The following CTNNA2 variants were observed in gnomAD, a reference collection of about 807,000 sequenced individuals.
CTNNA2 encodes catenin alpha-2.
Under a neutral mutation model 101.0 loss-of-function variants are expected in CTNNA2, and 42 were observed. The observed-to-expected ratio is 0.42, with a 90% CI of 0.32 to 0.54. The LOEUF (loss-of-function observed/expected upper bound fraction) is 0.54, where lower values mean the gene tolerates loss of function less well. Among genes scored for constraint, CTNNA2 ranks in the 20% least tolerant of loss-of-function variants. The probability of loss-of-function intolerance (pLI) is 0.14; values close to 1 mark genes in which losing one functional copy is unlikely to be tolerated. For missense variants in CTNNA2, 871 were observed against 1,223.1 expected, an observed-to-expected ratio of 0.71 and a Z score of 4.29; for synonymous variants, 450 against 456.4, an observed-to-expected ratio of 0.99 and a Z score of 0.18.
intron 9 of CTNNA2, among the ~76,000 whole-genome samples, chr2:80,484,876 G>A (rs556328209): frequency 6.6e-6 from 1 of 151,982 alleles, no homozygotes; most frequent in Non-Finnish European, 1.5e-5. Context: ...CAAGGTGGTG[G>A]GCACCTGTAG....
intron 9 of CTNNA2, among the ~76,000 whole-genome samples, chr2:80,543,523 C>T (rs72622680): frequency 0.068 from 10,357 of 152,152 alleles, 834 homozygotes; most frequent in African/African-American, 0.19. Context: ...CTCTTTCTCC[C>T]TTAAAAACTC....
chr2:79,357,773 T>G (rs1196103720), intron 3 of CTNNA2, among the ~76,000 whole-genome samples: 1 of 152,186 alleles, frequency 6.6e-6, no homozygotes, highest in Non-Finnish European at 1.5e-5. Flanking sequence ...ACAGTAAGGC[T>G]GACAGTTAAT....
At chr2:79,664,244 ATC>A (rs1041505200) in intron 2 of CTNNA2, among the ~76,000 whole-genome samples, 1 of 152,182 alleles carries the variant, frequency 6.6e-6, no homozygotes, top group Admixed American at 6.5e-5. Context: ...TCTATAAATA[ATC>A]TCTATATTTT....
At chr2:79,617,726 TG>T (rs1678717443) in intron 1 of CTNNA2, among the ~76,000 whole-genome samples, 1 of 152,170 alleles carries the variant, frequency 6.6e-6, no homozygotes. Context: ...GGTAAAATCA[TG>T]AGGCTTTTCC....
intron 7 of CTNNA2, among the ~76,000 whole-genome samples, chr2:80,361,923 G>A (rs763861751): frequency 1.3e-5 from 2 of 152,090 alleles, no homozygotes; most frequent in African/African-American, 4.8e-5. Context: ...AAGCCAAATA[G>A]ATGCAACCCA....
At chr2:79,308,046 C>A (rs1378598906) in intron 2 of CTNNA2, among the ~76,000 whole-genome samples, 1 of 151,870 alleles carries the variant, frequency 6.6e-6, no homozygotes, top group Admixed American at 6.6e-5. Flanking sequence ...ATGATTTGTC[C>A]ATTTTTATTT....
chr2:80,135,892 G>C (rs1702666934), intron 7 of CTNNA2, among the ~76,000 whole-genome samples: 1 of 152,086 alleles, frequency 6.6e-6, no homozygotes, highest in Non-Finnish European at 1.5e-5. Flanking sequence ...TAACCCCAGG[G>C]GTAGGAGGAT....
intron 9 of CTNNA2, among the ~76,000 whole-genome samples, chr2:80,539,432 T>C (rs1031962519): frequency 6.7e-6 from 1 of 150,160 alleles, no homozygotes; most frequent in African/African-American, 2.5e-5. Flanking sequence ...AAAAAAGTTA[T>C]ATTCATTGAG....
At chr2:80,516,651 A>G (rs772900142) in intron 9 of CTNNA2, among the ~76,000 whole-genome samples, 2 of 152,222 alleles carry the variant, frequency 1.3e-5, no homozygotes, top group Admixed American at 1.3e-4. Flanking sequence ...TATTCATCTT[A>G]ATGCAGAGTT....
intron 7 of CTNNA2, among the ~76,000 whole-genome samples, chr2:80,190,489 G>A (rs1706424203): frequency 6.6e-6 from 1 of 152,092 alleles, no homozygotes; most frequent in African/African-American, 2.4e-5. Flanking sequence ...TCCTCTGTAT[G>A]GCCCATGTTC....
At chr2:79,684,394 T>C (rs1429685701) in intron 2 of CTNNA2, among the ~76,000 whole-genome samples, 1 of 152,196 alleles carries the variant, frequency 6.6e-6, no homozygotes, top group Non-Finnish European at 1.5e-5. Flanking sequence ...TAATAGATCA[T>C]GACCTATAGT....
chr2:80,246,262 G>T (rs778665604), intron 7 of CTNNA2, among the ~76,000 whole-genome samples: 10 of 152,182 alleles, frequency 6.6e-5, no homozygotes, highest in Non-Finnish European at 1.5e-4. Context: ...ATTTAATGGG[G>T]CTGGGAAGTG....
At chr2:79,294,725 A>G (rs1279966799) in intron 2 of CTNNA2, among the ~76,000 whole-genome samples, 2 of 152,052 alleles carry the variant, frequency 1.3e-5, no homozygotes, top group Non-Finnish European at 2.9e-5. Context: ...TGAAACCTGT[A>G]TTTTTTACTC....
rs6704858 is a variant in CTNNA2, at chr2:79,767,116, A to G, written c.298+22534A>G. 3.6e-3 allele frequency among the ~76,000 whole-genome samples: 550 copies of G among 151,966 alleles called. 5 individuals carry two copies. The highest frequency in any genetic ancestry group is 0.013 in the African/African-American group (523 of 41,462). On this transcript the variant is annotated intron_variant, in intron 3 of 18. Coordinates refer to ENST00000402739, the MANE Select transcript of CTNNA2 (RefSeq NM_001282597.3). ...ACTAATTCTTTCTTCTGCTTGATCAATTATGCAATTAAAAGACTCTAATGC... is the reference window on the plus strand; with the variant it reads ...ACTAATTCTTTCTTCTGCTTGATCAGTTATGCAATTAAAAGACTCTAATGC...
At chr2:80,597,852 T>A (rs1327469087) in intron 15 of CTNNA2, among the ~76,000 whole-genome samples, 1 of 152,178 alleles carries the variant, frequency 6.6e-6, no homozygotes, top group Non-Finnish European at 1.5e-5. Context: ...GAAATAGGAA[T>A]GTTTTTACAC....
At chr2:79,724,601 G>T (rs1281691463) in intron 2 of CTNNA2, among the ~76,000 whole-genome samples, 1 of 151,964 alleles carries the variant, frequency 6.6e-6, no homozygotes, top group Non-Finnish European at 1.5e-5. Context: ...GCATCAGGAG[G>T]TCAGGAGATC....
intron 18 of CTNNA2, among the ~76,000 whole-genome samples, chr2:80,626,862 C>T (rs761412554): frequency 2.0e-5 from 3 of 152,006 alleles, no homozygotes; most frequent in East Asian, 1.9e-4. Context: ...TATCCCTCCC[C>T]GAGCCCCCTA....
intron 2 of CTNNA2, among the ~76,000 whole-genome samples, chr2:79,199,896 A>G (rs1004139225): frequency 1.3e-5 from 2 of 152,224 alleles, no homozygotes; most frequent in Non-Finnish European, 2.9e-5. Context: ...GTGATGTACC[A>G]TAACGGAAAT....
chr2:80,072,348 C>A (rs1572996022), intron 7 of CTNNA2, among the ~76,000 whole-genome samples: 1 of 151,138 alleles, frequency 6.6e-6, no homozygotes, highest in East Asian at 2.0e-4. Flanking sequence ...GCCAAAAGTT[C>A]CAAGCCCTGC....
Sources: gnomAD v4.1 joint callset for allele counts (sites outside exome capture counted in the v4.1 genomes callset) on GRCh38, gnomAD v4.1.1 for gene constraint, MANE v1.5 for transcripts, NCBI Gene and HGNC (gene_info 2026-07-23, HGNC 2026-07-21) for gene names.